Variants in XIRP2 observed in about 807,000 individuals in gnomAD.
XIRP2 encodes the protein xin actin binding repeat containing 2, also known as xin actin-binding repeat-containing protein 2.
In XIRP2, 236 loss-of-function variants were observed where a neutral mutation model predicts 277.0. That is an observed-to-expected ratio of 0.85 (90% CI 0.77 to 0.95). The LOEUF is 0.95. Among genes scored for constraint, XIRP2 ranks in the 40% least tolerant of loss-of-function variants. The pLI, the probability that XIRP2 is intolerant of heterozygous loss-of-function variation, is 0.00. For missense variants in XIRP2, 4,640 were observed against 4,157.5 expected (o/e 1.12, Z -3.19); for synonymous variants, 1,490 against 1,416.5 (o/e 1.05, Z -1.17).
At chr2:167,184,476 C>T in intron 3 of XIRP2, 1 of 676,962 alleles carries the variant, frequency 1.5e-6, no homozygotes, top group Non-Finnish European at 2.7e-6. Flanking sequence ...TCCCTCGCTT[C>T]TTCAGTTTTG....
intron 2 of XIRP2, among the ~76,000 whole-genome samples, chr2:166,904,255 G>C (rs1372837806): frequency 6.6e-6 from 1 of 152,094 alleles, no homozygotes; most frequent in African/African-American, 2.4e-5. Context: ...TTTAGCCAAA[G>C]CTCCATGAGG....
intron 3 of XIRP2, among the ~76,000 whole-genome samples, chr2:167,201,176 GAA>G (rs1263243664): frequency 1.0e-4 from 14 of 138,020 alleles, no homozygotes; most frequent in Admixed American, 4.0e-4. Context: ...GAGAGAGAAA[GAA>G]AGAGAGAGAG....
chr2:167,087,775 A>G (rs1480342642), intron 2 of XIRP2, among the ~76,000 whole-genome samples: 2 of 151,678 alleles, frequency 1.3e-5, no homozygotes, highest in African/African-American at 2.4e-5. Flanking sequence ...TTCCCAAGTG[A>G]GGCAATGCCT....
chr2:167,201,452 G>A (rs545249179), intron 3 of XIRP2, among the ~76,000 whole-genome samples: 2 of 152,044 alleles, frequency 1.3e-5, no homozygotes, highest in Admixed American at 6.5e-5. Flanking sequence ...ATGAAAGCGC[G>A]ACACCACCTC....
At position 167,258,022 on chromosome 2, in the gene XIRP2, AG is replaced by A; in HGVS notation, c.*206del. 6.2e-7 allele frequency: 1 copy of A among 1,613,194 alleles called. No individual in the cohort carries two copies. Among genetic ancestry groups the A allele is most frequent in the African/African-American group, 1.3e-5 (1 of 74,960 alleles). On this transcript the variant is annotated 3_prime_UTR_variant, in exon 11 of 11. Coordinates refer to ENST00000409195, the MANE Select transcript of XIRP2 (RefSeq NM_152381.6). ...GATCAGTGGACTTTATTCCTAATGA[AG>A]AACCAAATATGTGTAAAAATATTGC...
At chr2:167,134,119 A>G (rs1281442964) in intron 2 of XIRP2, among the ~76,000 whole-genome samples, 2 of 151,796 alleles carry the variant, frequency 1.3e-5, no homozygotes, top group African/African-American at 2.4e-5. Context: ...TTTTATATAT[A>G]TGTGTATATA....
chr2:166,974,768 A>G (rs1039578834), intron 2 of XIRP2, among the ~76,000 whole-genome samples: 1 of 152,044 alleles, frequency 6.6e-6, no homozygotes, highest in African/African-American at 2.4e-5. Context: ...ATTGCAAGTA[A>G]AATATACTTA....
chr2:167,085,612 T>C, intron 2 of XIRP2, among the ~76,000 whole-genome samples: 1 of 152,160 alleles, frequency 6.6e-6, no homozygotes, highest in East Asian at 1.9e-4. Flanking sequence ...ACTTGCTTTA[T>C]GAATCTGGGT....
chr2:167,217,283 T>TA (rs201024264), intron 4 of XIRP2, among the ~76,000 whole-genome samples: 24,798 of 136,830 alleles, frequency 0.18, 3,277 homozygotes, highest in African/African-American at 0.38. Context: ...TAAAGTATAA[T>TA]AAAAAAAAAA....
Position 167,248,309 on chromosome 2 carries a change from T to A in XIRP2, c.6917T>A (p.Ile2306Asn). The A allele has an allele frequency of 6.2e-7, 1 of 1,613,692 alleles. No individual in the cohort carries two copies. The highest frequency in any genetic ancestry group is 8.5e-7 in the Non-Finnish European group (1 of 1,179,784). Residue 2306 changes from isoleucine (I) to asparagine (N), a missense_variant, in exon 9 of 11, where the codon ATT (isoleucine) becomes AAT (asparagine). By Grantham distance (149) the Ile-to-Asn change is moderately radical. Transcript: ENST00000409195. ...CCACCTTCTAATGCATCATCTGAAA[T>A]TGAATTTCCTCTTCCTCCTCCACCT... ...PPPPSNASSE[I>N]EFPLPPPPPL...
At chr2:167,171,900 C>A (rs1161612199) in intron 3 of XIRP2, among the ~76,000 whole-genome samples, 1 of 152,162 alleles carries the variant, frequency 6.6e-6, no homozygotes, top group Non-Finnish European at 1.5e-5. Context: ...GTCTTCATGA[C>A]ACATGTTTTA....
chr2:166,978,166 T>A (rs1055908693), intron 2 of XIRP2, among the ~76,000 whole-genome samples: 5 of 152,306 alleles, frequency 3.3e-5, no homozygotes, highest in Admixed American at 2.6e-4. Flanking sequence ...GGCGCTTTTG[T>A]TGAAATTAAA....
At chr2:167,070,571 A>G (rs1689412424) in intron 2 of XIRP2, among the ~76,000 whole-genome samples, 1 of 152,176 alleles carries the variant, frequency 6.6e-6, no homozygotes, top group Non-Finnish European at 1.5e-5. Context: ...TAACATTGAG[A>G]TACATTGTTA....
intron 3 of XIRP2, among the ~76,000 whole-genome samples, chr2:167,174,468 T>C (rs1692780702): frequency 6.6e-6 from 1 of 152,176 alleles, no homozygotes; most frequent in South Asian, 2.1e-4. Context: ...AGCTCCCCTT[T>C]ATTGTTTTTT....
At chr2:167,140,805 A>G (rs781518119) in intron 3 of XIRP2, 13 of 152,178 alleles carry the variant, frequency 8.5e-5, no homozygotes, top group Non-Finnish European at 1.8e-4. Context: ...TGCTTACCCA[A>G]TTAAGTGTTT....
intron 2 of XIRP2, among the ~76,000 whole-genome samples, chr2:167,093,040 C>T (rs562667950): frequency 1.3e-5 from 2 of 152,016 alleles, no homozygotes; most frequent in African/African-American, 4.8e-5. Context: ...GGTGTGAAAG[C>T]GAAATTAGTT....
At chr2:167,162,635 A>ACC in intron 3 of XIRP2, among the ~76,000 whole-genome samples, 1 of 152,362 alleles carries the variant, frequency 6.6e-6, no homozygotes, top group South Asian at 2.1e-4. Flanking sequence ...GGGTGGGGAC[A>ACC]CAGCCAAACC....
intron 2 of XIRP2, among the ~76,000 whole-genome samples, chr2:166,947,545 T>C (rs934177032): frequency 6.6e-6 from 1 of 152,212 alleles, no homozygotes. Context: ...TTTTGACATT[T>C]GTGTTCATTT....
At position 167,247,699 on chromosome 2, in the gene XIRP2, A is replaced by G; in HGVS notation, c.6307A>G (p.Arg2103Gly). 1 of 1,613,666 alleles carries G rather than the reference A, an allele frequency of 6.2e-7. No individual in the cohort carries two copies. The highest frequency in any genetic ancestry group is 1.1e-5 in the South Asian group (1 of 91,080). ...AACTAAAGAATCAGACAGGGCAGTG[A>G]GAGAGCTGAAGAAGGATGATGTCTT... ...LTTKESDRAV[R>G]ELKKDDVFNS... The change falls in exon 9 of 11, where the codon AGA (arginine) becomes GGA (glycine). Residue 2103 changes from arginine to glycine, a missense_variant. Coordinates refer to ENST00000409195, the MANE Select transcript of XIRP2 (RefSeq NM_152381.6).
Sources: gnomAD v4.1 joint callset for allele counts (sites outside exome capture counted in the v4.1 genomes callset) on GRCh38, gnomAD v4.1.1 for gene constraint, MANE v1.5 for transcripts, NCBI Gene and HGNC (gene_info 2026-07-23, HGNC 2026-07-21) for gene names.